Variants in STK33 observed in about 807,000 individuals in gnomAD.
STK33 encodes the protein serine/threonine-protein kinase 33.
In STK33, 52 loss-of-function variants were observed where a neutral mutation model predicts 58.0. That is an observed-to-expected ratio of 0.90 (90% CI 0.72 to 1.13). STK33 has a LOEUF of 1.13. Ranked by LOEUF, STK33 falls within the 50% of genes most tolerant of loss-of-function variation. STK33 has a pLI of 0.00. For missense variants in STK33, 630 were observed against 604.2 expected (o/e 1.04, Z -0.45); for synonymous variants, 215 against 200.1 (o/e 1.07, Z -0.63).
chr11:8,385,835 C>T, the STK33 span, among the ~76,000 whole-genome samples: 14 of 151,648 alleles, frequency 9.2e-5, 1 homozygote, highest in Admixed American at 7.2e-4. Context: ...AGTGCAGCGG[C>T]GCTATCTCCA....
At chr11:8,554,539 T>G (rs1021277908) in intron 1 of STK33, among the ~76,000 whole-genome samples, 5 of 151,496 alleles carry the variant, frequency 3.3e-5, no homozygotes, top group African/African-American at 1.2e-4. Flanking sequence ...TAAATGCAAA[T>G]TAAAAATACT....
At chr11:8,458,436 A>C (rs1477687098) in intron 8 of STK33, among the ~76,000 whole-genome samples, 1 of 147,158 alleles carries the variant, frequency 6.8e-6, no homozygotes, top group African/African-American at 2.5e-5. Context: ...AAAAAAAAAA[A>C]CAGGTAGCAG....
intron 14 of STK33, among the ~76,000 whole-genome samples, chr11:8,424,647 C>T (rs1028451378): frequency 6.7e-6 from 1 of 149,346 alleles, no homozygotes; most frequent in African/African-American, 2.5e-5. Flanking sequence ...CTCTCCAGCA[C>T]CTGTTGTTTC....
intron 1 of STK33, among the ~76,000 whole-genome samples, chr11:8,516,618 G>A (rs368624682): frequency 5.9e-5 from 9 of 152,300 alleles, no homozygotes; most frequent in Admixed American, 2.6e-4. Context: ...CTGGAAAATC[G>A]GGGCACTCCC....
the STK33 span, among the ~76,000 whole-genome samples, chr11:8,335,379 GAGGGACCCCTTGA>G: frequency 6.6e-6 from 1 of 152,174 alleles, no homozygotes; most frequent in Non-Finnish European, 1.5e-5. Context: ...CCACCAATGA[GAGGGACCCCTTGA>G]AGGCATTACC....
chr11:8,398,293 T>TG (rs1297263945), intron 15 of STK33, among the ~76,000 whole-genome samples: 1 of 152,170 alleles, frequency 6.6e-6, no homozygotes, highest in Admixed American at 6.5e-5. Context: ...CAGAAGACAG[T>TG]GGGGGCCAAT....
chr11:8,362,729 C>T, the STK33 span, among the ~76,000 whole-genome samples: 21 of 152,294 alleles, frequency 1.4e-4, 1 homozygote, highest in East Asian at 4.1e-3. Flanking sequence ...CTGAGCAGCT[C>T]CTGCCCTGCA....
At chr11:8,498,523 T>G (rs1951238165) in intron 1 of STK33, among the ~76,000 whole-genome samples, 1 of 152,212 alleles carries the variant, frequency 6.6e-6, no homozygotes, top group Non-Finnish European at 1.5e-5. Context: ...CAAAGTAATT[T>G]ATAGATTCAG....
intron 1 of STK33, among the ~76,000 whole-genome samples, chr11:8,559,075 T>A (rs576612484): frequency 6.6e-6 from 1 of 152,168 alleles, no homozygotes; most frequent in African/African-American, 2.4e-5. Flanking sequence ...AATGTAGAGG[T>A]CCACTTGCCT....
At chr11:8,379,380 T>C in the STK33 span, among the ~76,000 whole-genome samples, 12 of 152,194 alleles carry the variant, frequency 7.9e-5, no homozygotes, top group South Asian at 2.5e-3. Flanking sequence ...GGAGAAAATA[T>C]TAGCAAACTA....
intron 1 of STK33, among the ~76,000 whole-genome samples, chr11:8,536,590 G>A: frequency 6.6e-6 from 1 of 152,112 alleles, no homozygotes; most frequent in East Asian, 1.9e-4. Flanking sequence ...CAAAGCACCA[G>A]CTATGAAGTT....
At chr11:8,564,996 C>G (rs1397846010) in intron 1 of STK33, among the ~76,000 whole-genome samples, 2 of 152,092 alleles carry the variant, frequency 1.3e-5, no homozygotes, top group Non-Finnish European at 2.9e-5. Flanking sequence ...ACTGACAGAC[C>G]AAATTAGTGA....
intron 8 of STK33, 101 bp downstream of exon 8, chr11:8,461,704 G>C (rs1947540229): frequency 2.4e-6 from 2 of 835,518 alleles, no homozygotes; most frequent in Non-Finnish European, 3.5e-6. Context: ...CATGGCCAAG[G>C]ACATGAGCAA....
At chr11:8,570,274 G>A (rs963175662) in intron 1 of STK33, among the ~76,000 whole-genome samples, 2 of 152,146 alleles carry the variant, frequency 1.3e-5, no homozygotes, top group African/African-American at 4.8e-5. Context: ...CAAATATTAG[G>A]GAAGGATGTA....
rs1591288180 is a variant in STK33, at chr11:8,464,573, CG to C, written c.453+135del. ...TTTCCGGGAGGCTAGAGAAATGCCA[CG>C]CTTCTCTGGGGGATCAGCCCAGGCC... is the stretch of plus-strand genomic sequence containing the variant. On this transcript the variant is annotated intron_variant, in intron 7 of 15. Transcript: ENST00000687296. 41 of 484,954 alleles carry C rather than the reference CG, an allele frequency of 8.5e-5. No individual in the cohort carries two copies. In the East Asian group the frequency reaches 1.4e-3, roughly 16 times the overall value. The allele number at this position is 484,954 out of a possible 1,614,324, so 30.0% of individuals were successfully genotyped here. A position where few individuals can be genotyped will look rare whatever the true frequency, so the allele number is the denominator to read the frequency against.
chr11:8,405,684 C>T (rs555118592), intron 15 of STK33, among the ~76,000 whole-genome samples: 12 of 152,236 alleles, frequency 7.9e-5, no homozygotes, highest in African/African-American at 2.2e-4. Flanking sequence ...TTTACAGTTT[C>T]GCTTTTAGAT....
intron 1 of STK33, among the ~76,000 whole-genome samples, chr11:8,519,501 C>A (rs1173534832): frequency 6.6e-6 from 1 of 152,096 alleles, no homozygotes; most frequent in Non-Finnish European, 1.5e-5. Flanking sequence ...CAGAGCAGAA[C>A]TGAAGGAGAC....
chr11:8,367,979 T>G, the STK33 span, among the ~76,000 whole-genome samples: 8 of 152,086 alleles, frequency 5.3e-5, no homozygotes, highest in African/African-American at 1.9e-4. Context: ...AGCCCTAGCT[T>G]CTATGGGGTG....
At chr11:8,361,300 C>A in the STK33 span, among the ~76,000 whole-genome samples, 4 of 152,166 alleles carry the variant, frequency 2.6e-5, no homozygotes, top group Admixed American at 2.6e-4. The surrounding 1 kb of genome is among the most constrained non-coding windows in gnomAD (Gnocchi z 4.8). Flanking sequence ...GTCTCAGAGA[C>A]CCGCCTGAGC....
Sources: gnomAD v4.1 joint callset for allele counts (sites outside exome capture counted in the v4.1 genomes callset) on GRCh38, gnomAD v4.1.1 for gene constraint, Gnocchi (gnomAD v3.1) non-coding constraint, MANE v1.5 for transcripts, NCBI Gene and HGNC (gene_info 2026-07-23, HGNC 2026-07-21) for gene names.